RASGEF1C: variants seen among roughly 807,000 people sequenced by gnomAD.
The protein encoded by RASGEF1C is ras-GEF domain-containing family member 1C.
In RASGEF1C, 27 loss-of-function variants were observed where a neutral mutation model predicts 58.1. The observed-to-expected ratio is 0.46, with a 90% confidence interval of 0.34 to 0.64. The LOEUF is 0.64. Among genes scored for constraint, RASGEF1C ranks in the 30% least tolerant of loss-of-function variants. RASGEF1C has a pLI of 0.01. For synonymous variants in RASGEF1C, 243 were observed against 246.3 expected, an observed-to-expected ratio of 0.99 and a Z score of 0.13; for missense variants, 502 against 605.1, an observed-to-expected ratio of 0.83 and a Z score of 1.79.
chr5:180,123,558 A>T lies in RASGEF1C; in HGVS notation c.715-2409T>A, dbSNP rs543741619. On this transcript the variant is annotated intron_variant, in intron 6 of 13. Transcript: ENST00000361132. ...TTAAAAAATAAAACTTGGAGGCTGT[A>T]AATAAAAATTTATGTAAAAAGAAAT... Among the ~76,000 whole-genome samples the T allele has an allele frequency of 1.1e-4, 16 of 152,302 alleles. 1 individual carries two copies. The South Asian group carries it at 3.3e-3, about 32-fold the overall frequency.
chr5:180,112,746 G>C (rs1464005473), intron 11 of RASGEF1C, among the ~76,000 whole-genome samples: 1 of 152,260 alleles, frequency 6.6e-6, no homozygotes, highest in African/African-American at 2.4e-5. Context: ...CACGTGTGCT[G>C]GGTGGGCCCT....
rs776545243 is a variant in RASGEF1C, at chr5:180,114,429, C to G, written c.1179+17G>C. 6.2e-7 allele frequency: 1 copy of G among 1,609,956 alleles called. No homozygotes were observed. The highest frequency in any genetic ancestry group is 2.2e-5 in the East Asian group (1 of 44,744). The stretch of plus-strand genomic sequence containing the variant: ...CCGGCCTGTCTACCTCAGTGGCGGT[C>G]CACACGGAGGTCCTACCTCAAAGTT... On this transcript the variant is annotated intron_variant, in intron 11 of 13. Transcript: ENST00000361132.
In RASGEF1C at chr5:180,136,504, C is replaced by T; in HGVS notation, c.312G>A (p.Arg104=). 1 of 1,570,878 alleles carries T rather than the reference C, an allele frequency of 6.4e-7. No homozygotes were observed. Among genetic ancestry groups the T allele is most frequent in the Non-Finnish European group, 8.6e-7 (1 of 1,157,414 alleles). ...DKPVLDKARV[R]KFGPKLLQLL... Reference sequence around the variant, plus strand: ...GCTGCAGCAGTTTGGGGCCGAACTTCCGGACCCGGGCCTACGGGCAAGCGA... The same window carrying T: ...GCTGCAGCAGTTTGGGGCCGAACTTTCGGACCCGGGCCTACGGGCAAGCGA... The change falls in exon 4 of 14, where the codon CGG becomes CGA. Residue 104 remains arginine (R), a synonymous_variant. Coordinates refer to ENST00000361132, the MANE Select transcript of RASGEF1C (RefSeq NM_175062.4).
chr5:180,134,722 T>G (rs1426922998), intron 4 of RASGEF1C, among the ~76,000 whole-genome samples: 1 of 147,150 alleles, frequency 6.8e-6, no homozygotes, highest in Non-Finnish European at 1.5e-5. Context: ...TCCATCCCCA[T>G]CCACCTGTCC....
chr5:180,136,444 G>A lies in RASGEF1C; in HGVS notation c.372C>T (p.Asp124=), dbSNP rs1485271068. The change falls in exon 4 of 14, where the codon GAC becomes GAT. Residue 124 remains aspartate (D), a synonymous_variant. Transcript: ENST00000361132. ...LAEWTETFPR[D]FQEESTIGHL... is the part of the protein sequence containing the mutation. ...GCCCGATAGTCGACTCTTCCTGGAA[G>A]TCCCTTGGGAAGGTCTCGGTCCACT... 2 of 1,561,430 alleles carry A rather than the reference G, an allele frequency of 1.3e-6. No individual in the cohort carries two copies. The highest frequency in any genetic ancestry group is 3.8e-5 in the Admixed American group (2 of 52,952).
At chr5:180,174,236 C>T (rs1422680272) in intron 1 of RASGEF1C, among the ~76,000 whole-genome samples, 1 of 152,146 alleles carries the variant, frequency 6.6e-6, no homozygotes, top group Non-Finnish European at 1.5e-5. Context: ...AAGAGGCTCT[C>T]ACAGCTAAAC....
Position 180,111,480 on chromosome 5 carries a change from G to T in RASGEF1C, c.1280C>A (p.Thr427Asn). The change falls in exon 12 of 14, where the codon ACC becomes AAC. Residue 427 changes from threonine to asparagine, a missense_variant. Coordinates refer to ENST00000361132, the MANE Select transcript of RASGEF1C (RefSeq NM_175062.4). ...ACCATCCTCACTGAAGATGGGGGCG[G>T]TGTACAGGTAGTGGGTGATGCTGGC... ...QDASITHYLY[T>N]APIFSEDGLY... is the part of the protein sequence containing the mutation. The T allele has an allele frequency of 1.2e-6, 2 of 1,614,228 alleles. No homozygotes were observed. The highest frequency in any genetic ancestry group is 2.2e-5 in the East Asian group (1 of 44,884).
rs1315044807 is a variant in RASGEF1C at position 180,143,560 on chromosome 5, C to A, written c.-6-5502G>T. The stretch of plus-strand genomic sequence containing the variant: ...GGCCGGCTGTACCAGTGAAAACCCA[C>A]AAGCTCTGCTGTGCTCTGGGAGCTG... On this transcript the variant is annotated intron_variant, in intron 1 of 13. Coordinates refer to ENST00000361132, the MANE Select transcript of RASGEF1C (RefSeq NM_175062.4). This position sits in a 1 kb window ranked among gnomAD's most constrained non-coding sequence, Gnocchi z 4.3. 6.6e-6 allele frequency among the ~76,000 whole-genome samples: 1 copy of A among 152,236 alleles called. No homozygotes were observed. Among genetic ancestry groups the A allele is most frequent in the Non-Finnish European group, 1.5e-5 (1 of 68,036 alleles).
At chr5:180,208,209 A>G (rs1756524700) in intron 1 of RASGEF1C, among the ~76,000 whole-genome samples, 1 of 152,092 alleles carries the variant, frequency 6.6e-6, no homozygotes, top group East Asian at 1.9e-4. Context: ...CCTGCCTGGC[A>G]GGCAGAGCTT....
intron 6 of RASGEF1C, among the ~76,000 whole-genome samples, chr5:180,121,819 C>T (rs1766182007): frequency 6.6e-6 from 1 of 152,212 alleles, no homozygotes; most frequent in Admixed American, 6.5e-5. Flanking sequence ...TCATGAGCGT[C>T]CGCAAGCATC....
intron 1 of RASGEF1C, among the ~76,000 whole-genome samples, chr5:180,145,547 T>C (rs1328142299): frequency 2.0e-5 from 3 of 152,270 alleles, no homozygotes; most frequent in African/African-American, 7.2e-5. Context: ...TGGTATCTCA[T>C]TGTGGTTTGG....
At chr5:180,153,204 G>A (rs186970130) in intron 1 of RASGEF1C, among the ~76,000 whole-genome samples, 58 of 152,238 alleles carry the variant, frequency 3.8e-4, no homozygotes, top group African/African-American at 1.3e-3. Flanking sequence ...TTATACAATG[G>A]GGGCCCACCT....
chr5:180,167,842 C>A (rs1307441335), intron 1 of RASGEF1C, among the ~76,000 whole-genome samples: 1 of 152,186 alleles, frequency 6.6e-6, no homozygotes, highest in Non-Finnish European at 1.5e-5. Flanking sequence ...TTGTTTAAAT[C>A]CTATGGAGAA....
intron 10 of RASGEF1C, 93 bp from the exon 11 acceptor site, chr5:180,114,634 AG>A (rs1766033875): frequency 8.1e-6 from 10 of 1,236,578 alleles, no homozygotes; most frequent in Middle Eastern, 2.3e-4. Flanking sequence ...TAGCTGCCCC[AG>A]GGACCTCAGA....
intron 11 of RASGEF1C, among the ~76,000 whole-genome samples, chr5:180,112,648 C>A (rs1365841266): frequency 6.6e-6 from 1 of 152,232 alleles, no homozygotes; most frequent in Non-Finnish European, 1.5e-5. Context: ...GGAGAAGAGC[C>A]CCCTCCTTCC....
intron 1 of RASGEF1C, among the ~76,000 whole-genome samples, chr5:180,142,418 G>A (rs562543902): frequency 6.6e-6 from 1 of 152,170 alleles, no homozygotes; most frequent in African/African-American, 2.4e-5. Context: ...AATGTACCAA[G>A]AGCGTTATGT....
chr5:180,126,389 AGAGT>A (rs1766262180), intron 6 of RASGEF1C, among the ~76,000 whole-genome samples: 2 of 152,142 alleles, frequency 1.3e-5, no homozygotes, highest in African/African-American at 4.8e-5. Flanking sequence ...CCTGGGCGAC[AGAGT>A]GAGATCCGTC....
intron 12 of RASGEF1C, among the ~76,000 whole-genome samples, chr5:180,109,994 GTGT>G (rs1561729680): frequency 6.6e-6 from 1 of 152,186 alleles, no homozygotes; most frequent in East Asian, 1.9e-4. Context: ...GGATAAATCT[GTGT>G]TGTTTTGAGC....
Position 180,111,514 on chromosome 5 carries a change from C to G in RASGEF1C, c.1246G>C (p.Glu416Gln), listed in dbSNP as rs189653938. 6.2e-7 allele frequency: 1 copy of G among 1,614,188 alleles called. No homozygotes were observed. The part of the protein sequence containing the change: ...ITWKQVECPF[E>Q]QDASITHYLY... ...TAGTGGGTGATGCTGGCGTCTTGCT[C>G]GAAGGGACACTCCACTTGTTTCCAG... Residue 416 changes from glutamate (E) to glutamine (Q), a missense_variant, in exon 12 of 14, where the codon GAG becomes CAG. Coordinates refer to ENST00000361132, the MANE Select transcript of RASGEF1C (RefSeq NM_175062.4).
Sources: gnomAD v4.1 joint callset for allele counts (sites outside exome capture counted in the v4.1 genomes callset) on GRCh38, gnomAD v4.1.1 for gene constraint, Gnocchi (gnomAD v3.1) non-coding constraint, MANE v1.5 for transcripts, NCBI Gene and HGNC (gene_info 2026-07-23, HGNC 2026-07-21) for gene names.